The following TENM2 variants were observed in gnomAD, a reference collection of about 807,000 sequenced individuals.
TENM2 encodes teneurin-2.
TENM2 carries 52 observed loss-of-function variants against 245.2 expected under a neutral mutation model. The observed-to-expected ratio is 0.21, with a 90% CI of 0.17 to 0.27. The LOEUF (loss-of-function observed/expected upper bound fraction) is 0.27. Among genes scored for constraint, TENM2 ranks in the 10% least tolerant of loss-of-function variants. The pLI is 1.00. For missense variants in TENM2, 3,046 were observed against 3,666.8 expected (o/e 0.83, Z 4.37); for synonymous variants, 1,363 against 1,438.9 (o/e 0.95, Z 1.19).
At chr5:168,001,322 A>T (rs1035126588) in intron 5 of TENM2, among the ~76,000 whole-genome samples, 4 of 152,204 alleles carry the variant, frequency 2.6e-5, no homozygotes, top group African/African-American at 7.2e-5. Context: ...GAGAGAACTG[A>T]CTGAGAGAAA....
At chr5:167,410,232 A>G (rs1326378254) in intron 2 of TENM2, among the ~76,000 whole-genome samples, 1 of 152,034 alleles carries the variant, frequency 6.6e-6, no homozygotes, top group Admixed American at 6.6e-5. Context: ...TTAGAAAAAT[A>G]GCAATCAAAG....
At chr5:167,148,426 G>C in the TENM2 span, among the ~76,000 whole-genome samples, 2 of 152,132 alleles carry the variant, frequency 1.3e-5, no homozygotes, top group African/African-American at 4.8e-5. Context: ...CATGATTTCT[G>C]TGTCCATTAA....
At chr5:167,146,747 T>G in the TENM2 span, among the ~76,000 whole-genome samples, 1 of 152,158 alleles carries the variant, frequency 6.6e-6, no homozygotes, top group Non-Finnish European at 1.5e-5. Context: ...GTCACACTGA[T>G]TTTAAATCCA....
At chr5:167,493,081 A>T (rs1217072045) in intron 2 of TENM2, among the ~76,000 whole-genome samples, 1 of 152,114 alleles carries the variant, frequency 6.6e-6, no homozygotes, top group African/African-American at 2.4e-5. Flanking sequence ...CATAAATAAA[A>T]GTTAGATTTT....
intron 2 of TENM2, among the ~76,000 whole-genome samples, chr5:167,719,660 C>A (rs767605548): frequency 6.6e-6 from 1 of 152,184 alleles, no homozygotes; most frequent in Non-Finnish European, 1.5e-5. Flanking sequence ...AAAGTACATG[C>A]GAGAGAGTCT....
chr5:167,934,269 C>T lies in TENM2; in HGVS notation c.713-18319C>T, dbSNP rs959432641. Among the ~76,000 whole-genome samples, 21 of 152,290 alleles carry T rather than the reference C, an allele frequency of 1.4e-4. 1 individual carries two copies. The highest frequency in any genetic ancestry group is 5.1e-4 in the African/African-American group (21 of 41,556). On this transcript the variant is annotated intron_variant, in intron 3 of 28. Transcript: ENST00000518659. ...GTTTTGAATTTCCAGCACCATATCA[C>T]ATTAATTGTTTTATCCCTAAACTAT...
intron 1 of TENM2, among the ~76,000 whole-genome samples, chr5:167,317,778 C>A (rs1009343565): frequency 6.6e-6 from 1 of 152,110 alleles, no homozygotes; most frequent in Non-Finnish European, 1.5e-5. Context: ...TTTGCTTTTG[C>A]TTTTCCTCCT....
At chr5:167,586,151 A>G (rs1775479260) in intron 2 of TENM2, among the ~76,000 whole-genome samples, 1 of 119,042 alleles carries the variant, frequency 8.4e-6, no homozygotes, top group Admixed American at 9.7e-5. Flanking sequence ...TAAGAGTACG[A>G]TAATAAAAAT....
At chr5:167,787,220 A>G (rs1764640856) in intron 2 of TENM2, among the ~76,000 whole-genome samples, 1 of 152,148 alleles carries the variant, frequency 6.6e-6, no homozygotes, top group Non-Finnish European at 1.5e-5. Context: ...TCTCCATCAG[A>G]GCACTTCTTT....
chr5:168,094,810 T>A (rs1562150588), intron 8 of TENM2, among the ~76,000 whole-genome samples: 1 of 152,084 alleles, frequency 6.6e-6, no homozygotes, highest in Non-Finnish European at 1.5e-5. Flanking sequence ...GAGCAGTAGG[T>A]GAGCAAGTGA....
At chr5:167,532,552 C>T (rs1035249361) in intron 2 of TENM2, among the ~76,000 whole-genome samples, 2 of 151,906 alleles carry the variant, frequency 1.3e-5, no homozygotes, top group East Asian at 3.9e-4. Flanking sequence ...TCTCATGAGA[C>T]TTATTCACTA....
rs749016436 is a variant in TENM2 at position 167,470,454 on chromosome 5, C to CTTTTTTTTTTTTTT, written c.502+94990_502+95003dup. ...TACAGAGAGGTATGGGCAATGCTTG[C>CTTTTTTTTTTTTTT]TTTTTTTTTTTTTTTTTTTTTTGCT... On this transcript the variant is annotated intron_variant, in intron 2 of 28. Transcript: ENST00000518659. 4.5e-3 allele frequency among the ~76,000 whole-genome samples: 212 copies of CTTTTTTTTTTTTTT among 47,382 alleles called. 21 individuals carry two copies. Among genetic ancestry groups the CTTTTTTTTTTTTTT allele is most frequent in the African/African-American group, 9.2e-3 (109 of 11,836 alleles). The allele number at this position is 47,382 out of a possible 152,430, so 31.1% of individuals were successfully genotyped here. A position where few individuals can be genotyped will look rare whatever the true frequency, so the allele number is the denominator to read the frequency against.
chr5:168,026,887 C>T (rs1159738472), intron 5 of TENM2, among the ~76,000 whole-genome samples: 1 of 152,030 alleles, frequency 6.6e-6, no homozygotes, highest in Non-Finnish European at 1.5e-5. Flanking sequence ...GAATACATAC[C>T]AGCATACACA....
the TENM2 span, among the ~76,000 whole-genome samples, chr5:166,982,503 AG>A: frequency 1.3e-5 from 2 of 152,194 alleles, no homozygotes; most frequent in African/African-American, 4.8e-5. Flanking sequence ...GTCATTTCCA[AG>A]GGCCTTTTTG....
chr5:167,748,999 A>G (rs970557152), intron 2 of TENM2, among the ~76,000 whole-genome samples: 1 of 152,084 alleles, frequency 6.6e-6, no homozygotes, highest in Non-Finnish European at 1.5e-5. Context: ...CTCTCCCCTC[A>G]GCCTCCCAAA....
rs1370853201 is a variant in TENM2 at position 168,162,779 on chromosome 5, C to T, written c.2569+22C>T. ...GGAGGTGAGCACGCGTCTTCTCATT[C>T]CCAGCCCCTAAGAGCAGAGCGTTGT... On this transcript the variant is annotated intron_variant, in intron 13 of 28. Coordinates refer to ENST00000518659, the Ensembl canonical transcript of TENM2. The T allele has an allele frequency of 3.7e-6, 6 of 1,612,424 alleles. No individual in the cohort carries two copies. In the Middle Eastern group the frequency reaches 5.0e-4, roughly 133 times the overall value.
chr5:167,827,300 A>G (rs114155362), intron 2 of TENM2, among the ~76,000 whole-genome samples: 1,722 of 152,282 alleles, frequency 0.011, 30 homozygotes, highest in African/African-American at 0.039. Context: ...GAGTCCTCAG[A>G]GTGGGGCTGG....
At chr5:167,121,266 A>G in the TENM2 span, among the ~76,000 whole-genome samples, 3 of 152,186 alleles carry the variant, frequency 2.0e-5, no homozygotes, top group Non-Finnish European at 4.4e-5. Context: ...GCAGCTGAAG[A>G]TTATGAAAGC....
At chr5:167,912,085 C>A (rs1228796154) in intron 3 of TENM2, among the ~76,000 whole-genome samples, 1 of 152,098 alleles carries the variant, frequency 6.6e-6, no homozygotes, top group African/African-American at 2.4e-5. Flanking sequence ...CCATGTTGTA[C>A]AATAGATATC....
Sources: gnomAD v4.1 joint callset for allele counts (sites outside exome capture counted in the v4.1 genomes callset) on GRCh38, gnomAD v4.1.1 for gene constraint, MANE v1.5 for transcripts, NCBI Gene and HGNC (gene_info 2026-07-23, HGNC 2026-07-21) for gene names.